PMS1: variants seen among roughly 807,000 people sequenced by gnomAD.
The protein encoded by PMS1 is PMS1 homolog 1, mismatch repair system component, also known as PMS1 protein homolog 1.
PMS1 carries 79 observed loss-of-function variants against 93.1 expected under a neutral mutation model. The observed-to-expected ratio is 0.85, with a 90% CI of 0.71 to 1.02. The LOEUF is 1.02. Ranked by LOEUF, PMS1 falls within the 50% of genes least tolerant of loss-of-function variation. The probability of loss-of-function intolerance (pLI) is 0.00; values close to 1 mark genes in which losing one functional copy is unlikely to be tolerated. For synonymous variants in PMS1, 335 were observed against 363.4 expected (o/e 0.92, Z 0.89); for missense variants, 1,064 against 1,085.3 (o/e 0.98, Z 0.28).
chr2:189,861,146 G>C (rs1439745549), intron 9 of PMS1, among the ~76,000 whole-genome samples: 3 of 151,472 alleles, frequency 2.0e-5, no homozygotes, highest in Non-Finnish European at 2.9e-5. Flanking sequence ...CCTCCTTTTT[G>C]GGGGGAGAGG....
chr2:189,872,568 T>C (rs2057240579), intron 11 of PMS1, among the ~76,000 whole-genome samples: 1 of 152,340 alleles, frequency 6.6e-6, no homozygotes, highest in East Asian at 1.9e-4. Context: ...CTTTGAAATA[T>C]GTGCTGTTAT....
chr2:189,863,924 G>A lies in PMS1; in HGVS notation c.2038G>A (p.Glu680Lys), dbSNP rs745785113. ...TSLSNQPKLD[E>K]LLQSQIEKRR... is the part of the protein sequence containing the mutation. ...ATTATCTAATCAACCAAAACTTGAT[G>A]AACTCCTTCAGTCCCAAATTGAAAA... is the stretch of plus-strand genomic sequence containing the variant. Residue 680 changes from glutamate (E) to lysine (K), a missense_variant, in exon 10 of 13, where the codon GAA becomes AAA. Physicochemically the swap from Glu to Lys is moderately conservative, Grantham distance 56. Transcript: ENST00000441310. 2.5e-6 allele frequency: 4 copies of A among 1,612,446 alleles called. No homozygotes were observed. The African/African-American group carries it at 5.3e-5, about 22-fold the overall frequency.
chr2:189,853,757 T>C (rs2055030094), intron 7 of PMS1, among the ~76,000 whole-genome samples, 182 bp from the exon 8 acceptor site: 1 of 151,984 alleles, frequency 6.6e-6, no homozygotes, highest in South Asian at 2.1e-4. Flanking sequence ...CCTCAAGTGA[T>C]CCCCCCACCT....
At chr2:189,797,729 C>T (rs1330887412) in intron 3 of PMS1, among the ~76,000 whole-genome samples, 1 of 152,172 alleles carries the variant, frequency 6.6e-6, no homozygotes, top group Non-Finnish European at 1.5e-5. Flanking sequence ...GTTGCTGTCT[C>T]CCCTTCTGGT....
At chr2:189,856,912 A>G (rs1193843058) in intron 9 of PMS1, among the ~76,000 whole-genome samples, 1 of 152,038 alleles carries the variant, frequency 6.6e-6, no homozygotes, top group Non-Finnish European at 1.5e-5. Context: ...TTTACCATCA[A>G]TTACCGGAAT....
intron 10 of PMS1, among the ~76,000 whole-genome samples, chr2:189,864,938 A>G (rs1370962111): frequency 6.6e-6 from 1 of 151,320 alleles, no homozygotes; most frequent in East Asian, 1.9e-4. Context: ...AAATAGAAGT[A>G]TACGATGCAT....
intron 5 of PMS1, among the ~76,000 whole-genome samples, chr2:189,823,894 A>G (rs2052192764): frequency 6.6e-6 from 1 of 152,236 alleles, no homozygotes; most frequent in Admixed American, 6.5e-5. Context: ...ATAACTAAAC[A>G]CAGTGTAGTC....
intron 5 of PMS1, among the ~76,000 whole-genome samples, chr2:189,820,124 T>C (rs1318011923): frequency 1.3e-5 from 2 of 152,244 alleles, no homozygotes; most frequent in Non-Finnish European, 2.9e-5. Flanking sequence ...ATTAGTTTTC[T>C]GTAATCCTCA....
intron 2 of PMS1, among the ~76,000 whole-genome samples, chr2:189,795,323 A>G (rs1393125339): frequency 1.3e-5 from 2 of 152,244 alleles, no homozygotes; most frequent in African/African-American, 2.4e-5. Context: ...AATAAAAATC[A>G]GGTTGAATAA....
intron 9 of PMS1, among the ~76,000 whole-genome samples, chr2:189,859,983 T>C (rs1254381485): frequency 6.6e-6 from 1 of 151,532 alleles, no homozygotes; most frequent in Non-Finnish European, 1.5e-5. Flanking sequence ...AAAGCAGATA[T>C]ATAAGGAATG....
intron 4 of PMS1, among the ~76,000 whole-genome samples, chr2:189,814,556 C>T (rs1196205592): frequency 2.0e-5 from 3 of 152,090 alleles, no homozygotes; most frequent in Non-Finnish European, 2.9e-5. Context: ...TTATTACTTT[C>T]TCTTATTTTC....
At chr2:189,787,060 CA>C (rs971148600) in intron 1 of PMS1, among the ~76,000 whole-genome samples, 1 of 150,838 alleles carries the variant, frequency 6.6e-6, no homozygotes, top group Non-Finnish European at 1.5e-5. Flanking sequence ...AACTCTGTCT[CA>C]AAAAAAAGAA....
At chr2:189,792,776 C>A (rs1350717742) in intron 2 of PMS1, among the ~76,000 whole-genome samples, 3 of 146,608 alleles carry the variant, frequency 2.0e-5, no homozygotes, top group Non-Finnish European at 4.5e-5. Flanking sequence ...GACTTAACTA[C>A]TACTATACCC....
chr2:189,801,697 A>T (rs114394215), intron 3 of PMS1, among the ~76,000 whole-genome samples: 2,406 of 152,298 alleles, frequency 0.016, 66 homozygotes, highest in African/African-American at 0.055. Flanking sequence ...TGAATAAGAG[A>T]CCTGGCCAAA....
At chr2:189,788,094 G>A (rs772178192) in intron 1 of PMS1, among the ~76,000 whole-genome samples, 3 of 152,190 alleles carry the variant, frequency 2.0e-5, no homozygotes, top group Admixed American at 6.5e-5. Context: ...CATTGTAGGA[G>A]ATGAGGTATT....
chr2:189,787,459 C>G (rs895415662), intron 1 of PMS1, among the ~76,000 whole-genome samples: 3 of 152,026 alleles, frequency 2.0e-5, no homozygotes, highest in African/African-American at 7.2e-5. Context: ...CAGTTCAGGA[C>G]AAAGATGTAG....
intron 10 of PMS1, 155 bp downstream of exon 10, chr2:189,864,383 C>T (rs1350849859): frequency 1.7e-5 from 11 of 643,252 alleles, no homozygotes; most frequent in Non-Finnish European, 2.5e-5. Context: ...CTAGGCCGGG[C>T]GCAGTGGCTC....
intron 4 of PMS1, among the ~76,000 whole-genome samples, chr2:189,813,635 G>A (rs549378214): frequency 3.5e-4 from 53 of 152,288 alleles, no homozygotes; most frequent in African/African-American, 6.7e-4. Context: ...CTTTATGAGA[G>A]TTAAAAAGGG....
chr2:189,844,662 A>G (rs1191370147), intron 6 of PMS1, among the ~76,000 whole-genome samples: 1 of 149,852 alleles, frequency 6.7e-6, no homozygotes, highest in Non-Finnish European at 1.5e-5. Context: ...AAAAAAAAAA[A>G]ACTGTTTTCC....
Sources: allele counts gnomAD v4.1 joint callset (sites outside exome capture counted in the v4.1 genomes callset), GRCh38; gene constraint gnomAD v4.1.1; transcripts MANE v1.5; gene names NCBI Gene and HGNC (gene_info 2026-07-23, HGNC 2026-07-21).